ROBO1: variants seen among roughly 807,000 people sequenced by gnomAD.
The protein encoded by ROBO1 is roundabout homolog 1.
ROBO1 carries 149 observed loss-of-function variants against 195.9 expected under a neutral mutation model. The ratio of observed to expected loss-of-function variants is 0.76; its 90% CI spans 0.67 to 0.87. The LOEUF (loss-of-function observed/expected upper bound fraction) is 0.87. Ranked by LOEUF, ROBO1 falls within the 40% of genes least tolerant of loss-of-function variation. The pLI is 0.00. For missense variants in ROBO1, 1,933 were observed against 2,068.3 expected (o/e 0.93, Z 1.27); for synonymous variants, 816 against 733.2 (o/e 1.11, Z -1.82).
At chr3:79,446,909 C>T (rs1472055582) in intron 2 of ROBO1, among the ~76,000 whole-genome samples, 5 of 152,044 alleles carry the variant, frequency 3.3e-5, no homozygotes, top group Non-Finnish European at 5.9e-5. Context: ...CTGTGACCTC[C>T]GCCTCCCGGG....
chr3:79,160,992 A>T (rs142138751), intron 2 of ROBO1, among the ~76,000 whole-genome samples: 136 of 152,212 alleles, frequency 8.9e-4, no homozygotes, highest in African/African-American at 3.1e-3. Flanking sequence ...TAATAATCAT[A>T]TGTCATTCTG....
chr3:79,238,226 C>T (rs2082450088), intron 2 of ROBO1, among the ~76,000 whole-genome samples: 1 of 152,110 alleles, frequency 6.6e-6, no homozygotes, highest in Non-Finnish European at 1.5e-5. Context: ...CTGAACTGAG[C>T]AAGTTGAGTA....
intron 4 of ROBO1, among the ~76,000 whole-genome samples, chr3:78,891,861 T>A (rs557848473): frequency 6.6e-6 from 1 of 152,290 alleles, no homozygotes; most frequent in East Asian, 1.9e-4. Flanking sequence ...GTGATCACAT[T>A]CATATGAAGC....
intron 2 of ROBO1, among the ~76,000 whole-genome samples, chr3:79,291,997 A>C (rs1456183559): frequency 6.6e-6 from 1 of 152,218 alleles, no homozygotes; most frequent in Non-Finnish European, 1.5e-5. Flanking sequence ...GAATCTGTTA[A>C]ATTGAAATTC....
chr3:79,492,026 T>C (rs1939485787), intron 2 of ROBO1, among the ~76,000 whole-genome samples: 1 of 152,054 alleles, frequency 6.6e-6, no homozygotes, highest in Non-Finnish European at 1.5e-5. Flanking sequence ...GTAACTTACA[T>C]TTGAGGTTTT....
intron 2 of ROBO1, among the ~76,000 whole-genome samples, chr3:79,197,982 T>C (rs2081674853): frequency 6.6e-6 from 1 of 152,022 alleles, no homozygotes; most frequent in South Asian, 2.1e-4. Flanking sequence ...TCCAAATCTG[T>C]AGGGCGCCTG....
chr3:79,701,674 A>C, intron 1 of ROBO1, among the ~76,000 whole-genome samples: 1 of 151,688 alleles, frequency 6.6e-6, no homozygotes, highest in East Asian at 1.9e-4. Context: ...CATATGATAG[A>C]AAATACACTG....
At chr3:78,610,177 A>G (rs903230256) in intron 28 of ROBO1, among the ~76,000 whole-genome samples, 2 of 152,196 alleles carry the variant, frequency 1.3e-5, no homozygotes, top group African/African-American at 4.8e-5. Context: ...GATTTTATAA[A>G]ATCAAGTTTT....
chr3:78,791,564 C>T (rs1273178629), intron 4 of ROBO1, among the ~76,000 whole-genome samples: 1 of 152,090 alleles, frequency 6.6e-6, no homozygotes, highest in Non-Finnish European at 1.5e-5. Flanking sequence ...TCTGATTATG[C>T]ATTCTGGTAT....
chr3:79,445,287 G>T (rs76789138), intron 2 of ROBO1, among the ~76,000 whole-genome samples: 244 of 151,472 alleles, frequency 1.6e-3, no homozygotes, highest in African/African-American at 5.8e-3. Flanking sequence ...TATATATTCA[G>T]TCTCATTATT....
At chr3:78,755,851 T>G (rs1223177850) in intron 4 of ROBO1, among the ~76,000 whole-genome samples, 6 of 152,202 alleles carry the variant, frequency 3.9e-5, no homozygotes, top group African/African-American at 1.4e-4. Context: ...ATATGAAAAT[T>G]GTTTCATTGG....
At chr3:79,296,694 T>G (rs1043284018) in intron 2 of ROBO1, among the ~76,000 whole-genome samples, 4 of 152,188 alleles carry the variant, frequency 2.6e-5, no homozygotes, top group Non-Finnish European at 4.4e-5. Flanking sequence ...TCAGTTATAC[T>G]AAAACAGACA....
intron 2 of ROBO1, among the ~76,000 whole-genome samples, chr3:79,561,346 A>G (rs1360900846): frequency 6.6e-6 from 1 of 152,210 alleles, no homozygotes; most frequent in Non-Finnish European, 1.5e-5. Flanking sequence ...TTCCTACAAT[A>G]AAAGTAGTCA....
At chr3:79,111,036 G>A (rs748368764) in intron 3 of ROBO1, among the ~76,000 whole-genome samples, 1 of 152,092 alleles carries the variant, frequency 6.6e-6, no homozygotes, top group Non-Finnish European at 1.5e-5. Context: ...CAAGCCTCTA[G>A]AAAACTCAGT....
At chr3:79,728,648 T>C (rs1703025602) in intron 1 of ROBO1, among the ~76,000 whole-genome samples, 2 of 152,198 alleles carry the variant, frequency 1.3e-5, no homozygotes, top group South Asian at 4.1e-4. Context: ...GTGTAAAAAC[T>C]ATGTACACAA....
chr3:78,873,132 G>C (rs1251274013), intron 4 of ROBO1, among the ~76,000 whole-genome samples: 1 of 152,040 alleles, frequency 6.6e-6, no homozygotes, highest in Non-Finnish European at 1.5e-5. Flanking sequence ...CCCAAAAACA[G>C]TCTTGGGGGA....
chr3:78,978,301 T>C (rs573557824), intron 3 of ROBO1, among the ~76,000 whole-genome samples: 3 of 152,244 alleles, frequency 2.0e-5, no homozygotes, highest in Admixed American at 1.3e-4. Context: ...ACTTGCAATC[T>C]CCTTTCAACC....
chr3:78,760,896 C>A (rs1368162640), intron 4 of ROBO1, among the ~76,000 whole-genome samples: 1 of 152,106 alleles, frequency 6.6e-6, no homozygotes, highest in African/African-American at 2.4e-5. Context: ...CCTGCCTCAG[C>A]CTCCCATATG....
At chr3:78,992,908 G>A (rs2077270395) in intron 3 of ROBO1, among the ~76,000 whole-genome samples, 1 of 152,146 alleles carries the variant, frequency 6.6e-6, no homozygotes, top group African/African-American at 2.4e-5. Flanking sequence ...ACCAGAAGCT[G>A]AAGCAGCAGT....
Sources: allele counts gnomAD v4.1 joint callset (sites outside exome capture counted in the v4.1 genomes callset), GRCh38; gene constraint gnomAD v4.1.1; transcripts MANE v1.5; gene names NCBI Gene and HGNC (gene_info 2026-07-23, HGNC 2026-07-21).